Variants in THOC2 observed in about 807,000 individuals in gnomAD.
THOC2 encodes THO complex 2.
Under a neutral mutation model 128.4 loss-of-function variants are expected in THOC2, and 10 were observed. The observed-to-expected ratio is 0.08, with a 90% CI of 0.05 to 0.13. The LOEUF (loss-of-function observed/expected upper bound fraction) is 0.13. THOC2 is among the 10% of genes least tolerant of loss of function. The pLI, the probability that THOC2 is intolerant of heterozygous loss-of-function variation, is 1.00. For missense variants in THOC2, 535 were observed against 1,155.7 expected (o/e 0.46, Z 7.79); for synonymous variants, 393 against 396.9 (o/e 0.99, Z 0.12).
chrX:123,649,106 T>C (rs756877261), intron 12 of THOC2, among the ~76,000 whole-genome samples: 7 of 112,009 alleles, frequency 6.2e-5, no homozygotes, highest in Non-Finnish European at 1.3e-4. Flanking sequence ...AGGAGGAAGC[T>C]TCCCGAAGAA....
chrX:123,657,441 C>CAAAT (rs1416260451), intron 12 of THOC2, among the ~76,000 whole-genome samples: 1 of 109,902 alleles, frequency 9.1e-6, no homozygotes. Flanking sequence ...AATAAATAAA[C>CAAAT]AAATAAATAA....
Position 123,619,404 on chromosome X carries a change from T to C in THOC2, c.4308A>G (p.Ala1436=). 7 of 1,171,995 alleles carry C rather than the reference T, an allele frequency of 6.0e-6. No homozygotes were observed. Among genetic ancestry groups the C allele is most frequent in the Non-Finnish European group, 8.1e-6 (7 of 863,363 alleles). ...DSLIELKESS[A]KLYINHTPPP... ...GATGATTTTAAAAGACTCAAACCTT[T>C]GCTGAAGATTCCTTGAGTTCGATGA... The change falls in exon 33 of 39, where the codon GCA becomes GCG. Residue 1436 remains alanine (A), a synonymous_variant. Coordinates refer to ENST00000245838, the MANE Select transcript of THOC2 (RefSeq NM_001081550.2).
chrX:123,730,941 C>T (rs934900715), intron 1 of THOC2, among the ~76,000 whole-genome samples: 6 of 111,738 alleles, frequency 5.4e-5, no homozygotes, highest in African/African-American at 2.0e-4. Context: ...GAGACTCCGT[C>T]TCAAGGGGGA....
intron 7 of THOC2, among the ~76,000 whole-genome samples, chrX:123,687,956 A>T (rs1020783168): frequency 6.2e-5 from 7 of 112,288 alleles, no homozygotes; most frequent in African/African-American, 1.3e-4. Flanking sequence ...GTACTTCAAA[A>T]AAGTATGGCC....
rs1028146887 is a variant in THOC2, at chrX:123,709,986, C to G, written c.130+2864G>C. Among the ~76,000 whole-genome samples, 5 of 111,215 alleles carry G rather than the reference C, an allele frequency of 4.5e-5. No individual in the cohort carries two copies. In the Admixed American group the frequency reaches 4.8e-4, roughly 11 times the overall value. ...CAGTGTGTGCAAGGGAAACTGCCTGCCTGAAATGAAATTAATTCAAGGGAA... is the reference window on the plus strand; with the variant it reads ...CAGTGTGTGCAAGGGAAACTGCCTGGCTGAAATGAAATTAATTCAAGGGAA... On this transcript the variant is annotated intron_variant, in intron 2 of 38. Transcript: ENST00000245838.
At chrX:123,616,676 T>G (rs770146488) in intron 33 of THOC2, among the ~76,000 whole-genome samples, 7 of 108,939 alleles carry the variant, frequency 6.4e-5, no homozygotes, top group African/African-American at 9.9e-5. Context: ...GTTTTTTGTT[T>G]TTTTTTTTTT....
chrX:123,657,830 A>G (rs1039341286), intron 12 of THOC2, among the ~76,000 whole-genome samples: 4 of 112,179 alleles, frequency 3.6e-5, no homozygotes, highest in African/African-American at 1.3e-4. Flanking sequence ...TAAACAAACA[A>G]AAAAAGAAAC....
intron 7 of THOC2, among the ~76,000 whole-genome samples, chrX:123,691,727 C>T (rs1223144014): frequency 8.9e-6 from 1 of 111,750 alleles, no homozygotes; most frequent in African/African-American, 3.3e-5. Context: ...CAAAAAGGTC[C>T]TGGACCACTA....
intron 7 of THOC2, among the ~76,000 whole-genome samples, chrX:123,688,381 T>TTG (rs2050091061): frequency 1.8e-5 from 2 of 112,135 alleles, no homozygotes; most frequent in Non-Finnish European, 3.8e-5. Flanking sequence ...CAGTACACAC[T>TTG]GTACGATTCC....
At chrX:123,703,714 C>T (rs774190590) in intron 3 of THOC2, among the ~76,000 whole-genome samples, 1 of 84,874 alleles carries the variant, frequency 1.2e-5, no homozygotes, top group Non-Finnish European at 2.3e-5. Flanking sequence ...GTGGTGAAAC[C>T]CCATCTCTAC....
intron 12 of THOC2, among the ~76,000 whole-genome samples, chrX:123,659,700 C>G (rs1304859394): frequency 8.9e-6 from 1 of 112,422 alleles, no homozygotes; most frequent in Non-Finnish European, 1.9e-5. Flanking sequence ...TACACATAAT[C>G]AGAGAAATAA....
intron 4 of THOC2, among the ~76,000 whole-genome samples, chrX:123,698,874 C>CA (rs533845016): frequency 0.014 from 1,055 of 77,911 alleles, 10 homozygotes; most frequent in African/African-American, 0.042. Flanking sequence ...GACTCTGTCT[C>CA]AAAAAAAAAA....
rs767226311 is a variant in THOC2, at chrX:123,622,722, A to T, written c.3785+36T>A. On this transcript the variant is annotated intron_variant, in intron 30 of 38. Coordinates refer to ENST00000245838, the MANE Select transcript of THOC2 (RefSeq NM_001081550.2). Reference sequence around the variant, plus strand: ...ATACATAAAAATCATTTTTAAAAAGAATTTAGAATTATGACACATGGCACA... The same window carrying T: ...ATACATAAAAATCATTTTTAAAAAGTATTTAGAATTATGACACATGGCACA... 8.3e-6 allele frequency: 8 copies of T among 966,740 alleles called. No individual in the cohort carries two copies. In the South Asian group the frequency reaches 1.5e-4, roughly 19 times the overall value. The allele number at this position is 966,740 out of a possible 1,213,427, so 79.7% of individuals were successfully genotyped here.
At chrX:123,706,714 A>G (rs1303442607) in intron 3 of THOC2, 144 bp downstream of exon 3, 1 of 292,583 alleles carries the variant, frequency 3.4e-6, no homozygotes, top group Non-Finnish European at 6.0e-6. Flanking sequence ...TCTGAGGGGA[A>G]AAAAGTTAAA....
At chrX:123,613,308 T>C (rs1399096353) in intron 36 of THOC2, 91 bp downstream of exon 36, 9 of 926,670 alleles carry the variant, frequency 9.7e-6, no homozygotes, top group South Asian at 4.4e-5. Context: ...CAAAAGACTA[T>C]AGGACTAGGA....
chrX:123,673,709 C>G (rs917677326), intron 8 of THOC2, among the ~76,000 whole-genome samples: 1 of 112,208 alleles, frequency 8.9e-6, no homozygotes, highest in African/African-American at 3.2e-5. Flanking sequence ...TTTAAAGGTT[C>G]TTTTCACCGT....
chrX:123,723,648 T>A (rs918577928), intron 1 of THOC2, among the ~76,000 whole-genome samples: 1 of 110,559 alleles, frequency 9.0e-6, no homozygotes, highest in South Asian at 3.8e-4. Context: ...ACATACAATA[T>A]GGATGAATCT....
chrX:123,709,386 C>T (rs1163719199), intron 2 of THOC2, among the ~76,000 whole-genome samples: 2 of 110,235 alleles, frequency 1.8e-5, no homozygotes, highest in African/African-American at 6.6e-5. Flanking sequence ...GGTAAGGAGA[C>T]CGAGACCATC....
In THOC2 at chrX:123,601,370, G is replaced by C. The variant is rs2473181; in HGVS notation, c.*19-32C>G. On this transcript the variant is annotated intron_variant, in intron 38 of 38. Transcript: ENST00000245838. ...GAAACAAAGTGATTATATTGATAGA[G>C]AAGAAGGAAGGAAGGAAGGAAAGGA... The C allele has an allele frequency of 0.34, 35,792 of 106,143 alleles. 4,708 individuals carry two copies. Among genetic ancestry groups the C allele is most frequent in the East Asian group, 0.68 (2,249 of 3,326 alleles). 8.7% of individuals were successfully genotyped at this position (106,143 alleles called of 1,213,427 possible).
Sources: allele counts gnomAD v4.1 joint callset (sites outside exome capture counted in the v4.1 genomes callset), GRCh38; gene constraint gnomAD v4.1.1; transcripts MANE v1.5; gene names NCBI Gene and HGNC (gene_info 2026-07-23, HGNC 2026-07-21).